RIMS1: variants seen among roughly 807,000 people sequenced by gnomAD.
The protein encoded by RIMS1 is regulating synaptic membrane exocytosis 1.
In RIMS1, 83 loss-of-function variants were observed where a neutral mutation model predicts 214.1. The observed-to-expected ratio is 0.39, with a 90% CI of 0.32 to 0.47. The LOEUF is 0.47. Ranked by LOEUF, RIMS1 falls within the 20% of genes least tolerant of loss-of-function variation. The pLI, the probability that RIMS1 is intolerant of heterozygous loss-of-function variation, is 0.99. For synonymous variants in RIMS1, 793 were observed against 786.8 expected, an observed-to-expected ratio of 1.01 and a Z score of -0.13; for missense variants, 2,050 against 2,161.8, an observed-to-expected ratio of 0.95 and a Z score of 1.03.
In RIMS1 at chr6:72,179,543, A is replaced by C. The variant is rs763058217; in HGVS notation, c.472-32A>C. 2.0e-6 allele frequency: 3 copies of C among 1,529,960 alleles called. No individual in the cohort carries two copies. In the East Asian group the frequency reaches 6.9e-5, roughly 35 times the overall value. 94.8% of individuals were successfully genotyped at this position (1,529,960 alleles called of 1,614,324 possible). A position where few individuals can be genotyped will look rare whatever the true frequency, so the allele number is the denominator to read the frequency against. On this transcript the variant is annotated intron_variant, in intron 4 of 33. Transcript: ENST00000521978. ...GAAAAATTATTTCCAAGAGGGCATA[A>C]AAATTTATATTGTTCTTTCTTCTTC...
intron 19 of RIMS1, 50 bp from the exon 20 acceptor site, chr6:72,264,925 T>C: frequency 8.4e-7 from 1 of 1,193,742 alleles, no homozygotes; most frequent in East Asian, 2.6e-5. Context: ...ATAAAATTGG[T>C]TTCATATATA....
chr6:72,251,406 T>C (rs1044916892), intron 15 of RIMS1, 38 bp downstream of exon 15: 1 of 1,448,948 alleles, frequency 6.9e-7, no homozygotes, highest in African/African-American at 1.4e-5. Flanking sequence ...AAAGTAATTA[T>C]GCTGTAATGA....
chr6:72,315,303 TA>T (rs143006893), intron 28 of RIMS1, among the ~76,000 whole-genome samples: 1 of 152,192 alleles, frequency 6.6e-6, no homozygotes, highest in Non-Finnish European at 1.5e-5. Flanking sequence ...GGGGTGGACC[TA>T]AAAAGAGTAT....
chr6:72,238,027 A>G (rs1347928641), intron 9 of RIMS1, 105 bp downstream of exon 9: 1 of 585,174 alleles, frequency 1.7e-6, no homozygotes, highest in South Asian at 2.8e-5. Flanking sequence ...ACATACATAC[A>G]TGTATGTATG....
chr6:71,968,156 A>G (rs1390904300), intron 1 of RIMS1, among the ~76,000 whole-genome samples: 1 of 152,176 alleles, frequency 6.6e-6, no homozygotes, highest in Middle Eastern at 3.2e-3. Context: ...TGTTTATTTT[A>G]AAGCTTTTGA....
chr6:72,038,316 G>A (rs2152068557), intron 2 of RIMS1, among the ~76,000 whole-genome samples: 1 of 151,058 alleles, frequency 6.6e-6, no homozygotes, highest in Admixed American at 6.6e-5. Flanking sequence ...TTTTTAAGTA[G>A]GCTTTTGATA....
At chr6:72,275,109 C>G (rs1591569372) in intron 23 of RIMS1, among the ~76,000 whole-genome samples, 1 of 97,292 alleles carries the variant, frequency 1.0e-5, no homozygotes, top group Non-Finnish European at 2.0e-5. Flanking sequence ...ACCCAGTTTT[C>G]CTATTTTATG....
At chr6:72,382,736 G>A (rs549750674) in intron 29 of RIMS1, among the ~76,000 whole-genome samples, 24 of 152,214 alleles carry the variant, frequency 1.6e-4, no homozygotes, top group African/African-American at 4.8e-4. Flanking sequence ...TAGTTAACTC[G>A]AGGGACCATA....
chr6:72,303,779 C>T (rs905361301), intron 26 of RIMS1, among the ~76,000 whole-genome samples: 3 of 151,322 alleles, frequency 2.0e-5, no homozygotes, highest in African/African-American at 7.2e-5. Flanking sequence ...CTAATAAGTG[C>T]TTTTTGAAAG....
intron 1 of RIMS1, among the ~76,000 whole-genome samples, chr6:71,927,216 C>T (rs894220056): frequency 6.6e-6 from 1 of 152,158 alleles, no homozygotes; most frequent in South Asian, 2.1e-4. Flanking sequence ...ACTCTACTCT[C>T]TTCAGCAACC....
chr6:72,002,327 T>C (rs1284734732), intron 2 of RIMS1, among the ~76,000 whole-genome samples: 1 of 150,268 alleles, frequency 6.7e-6, no homozygotes, highest in African/African-American at 2.4e-5. Context: ...AATTACAAAG[T>C]TCTAAAATGT....
chr6:72,043,522 A>G (rs568014828), intron 2 of RIMS1, among the ~76,000 whole-genome samples: 2 of 151,940 alleles, frequency 1.3e-5, no homozygotes, highest in African/African-American at 2.4e-5. Context: ...TGGCTAAATC[A>G]TTCATTGACT....
At chr6:71,925,977 C>T (rs532283216) in intron 1 of RIMS1, among the ~76,000 whole-genome samples, 2 of 152,286 alleles carry the variant, frequency 1.3e-5, no homozygotes, top group Non-Finnish European at 2.9e-5. Flanking sequence ...AAAGTGAATA[C>T]ATCCTTGTAA....
chr6:72,009,165 G>C (rs1226750977), intron 2 of RIMS1, among the ~76,000 whole-genome samples: 1 of 152,190 alleles, frequency 6.6e-6, no homozygotes, highest in Admixed American at 6.5e-5. Flanking sequence ...TCAGGATTAA[G>C]AAACTCACTC....
At chr6:72,351,513 C>T (rs898975553) in intron 29 of RIMS1, among the ~76,000 whole-genome samples, 1 of 152,172 alleles carries the variant, frequency 6.6e-6, no homozygotes, top group African/African-American at 2.4e-5. Context: ...AACCCTATGA[C>T]ATTGATACAA....
intron 4 of RIMS1, among the ~76,000 whole-genome samples, chr6:72,176,902 GT>G (rs1401525963): frequency 6.6e-6 from 1 of 152,136 alleles, no homozygotes; most frequent in Non-Finnish European, 1.5e-5. Flanking sequence ...AATAAATTGT[GT>G]TTCTTTTAAT....
chr6:72,042,024 A>G (rs1821592011), intron 2 of RIMS1, among the ~76,000 whole-genome samples: 1 of 151,920 alleles, frequency 6.6e-6, no homozygotes. Flanking sequence ...TTACATTTGT[A>G]TCTGAGAAGC....
intron 4 of RIMS1, among the ~76,000 whole-genome samples, chr6:72,112,457 A>C (rs552203766): frequency 6.6e-6 from 1 of 152,222 alleles, no homozygotes; most frequent in African/African-American, 2.4e-5. Context: ...AAAGACCCCT[A>C]CAATTGTACC....
chr6:72,050,394 T>C (rs1252605256), intron 2 of RIMS1, among the ~76,000 whole-genome samples: 1 of 152,172 alleles, frequency 6.6e-6, no homozygotes, highest in East Asian at 1.9e-4. Context: ...TCAGTCACTT[T>C]CATTTAGTAA....
Sources: allele counts gnomAD v4.1 joint callset (sites outside exome capture counted in the v4.1 genomes callset), GRCh38; gene constraint gnomAD v4.1.1; transcripts MANE v1.5; gene names NCBI Gene and HGNC (gene_info 2026-07-23, HGNC 2026-07-21).